LHFPL3: variants seen among roughly 807,000 people sequenced by gnomAD.
LHFPL3 encodes the protein LHFPL tetraspan subfamily member 3 protein.
LHFPL3 carries 5 observed loss-of-function variants against 19.3 expected under a neutral mutation model. The ratio of observed to expected loss-of-function variants is 0.26; its 90% confidence interval spans 0.14 to 0.54. LHFPL3 has a LOEUF of 0.54. LHFPL3 is among the 20% of genes least tolerant of loss of function. LHFPL3 has a pLI of 0.94. For synonymous variants in LHFPL3, 133 were observed against 126.2 expected (o/e 1.05, Z -0.36); for missense variants, 249 against 307.4 (o/e 0.81, Z 1.42).
chr7:104,669,469 A>G (rs1396667938), intron 1 of LHFPL3: 2 of 1,612,734 alleles, frequency 1.2e-6, no homozygotes, highest in Non-Finnish European at 1.7e-6. Flanking sequence ...ACCTGAGCCA[A>G]AGAAACCTGA....
chr7:104,890,607 G>A (rs10226456), intron 2 of LHFPL3, among the ~76,000 whole-genome samples: 23,280 of 152,118 alleles, frequency 0.15, 4,009 homozygotes, highest in East Asian at 0.44. Flanking sequence ...AACACTGGCC[G>A]GGTGAAGGTC....
chr7:104,892,134 T>C (rs137931904), intron 2 of LHFPL3, among the ~76,000 whole-genome samples: 70 of 152,324 alleles, frequency 4.6e-4, no homozygotes, highest in African/African-American at 1.6e-3. Flanking sequence ...GAGGAATGCA[T>C]TGAATGTATG....
At chr7:104,411,640 T>C (rs1303395833) in intron 1 of LHFPL3, among the ~76,000 whole-genome samples, 1 of 152,174 alleles carries the variant, frequency 6.6e-6, no homozygotes, top group Middle Eastern at 3.2e-3. Flanking sequence ...TTTGCTCTTT[T>C]CAACCTCGTT....
intron 1 of LHFPL3, among the ~76,000 whole-genome samples, chr7:104,638,642 G>A (rs1446327382): frequency 2.0e-5 from 3 of 152,098 alleles, no homozygotes; most frequent in African/African-American, 7.2e-5. Flanking sequence ...CATCCATTGA[G>A]ATAATTATGT....
chr7:104,512,314 A>G (rs1391828623), intron 1 of LHFPL3, among the ~76,000 whole-genome samples: 2 of 152,138 alleles, frequency 1.3e-5, no homozygotes, highest in Non-Finnish European at 2.9e-5. Flanking sequence ...GGGTCATGTA[A>G]TCGTTTATCA....
intron 1 of LHFPL3, among the ~76,000 whole-genome samples, chr7:104,700,547 T>C (rs560235249): frequency 6.6e-6 from 1 of 152,356 alleles, no homozygotes; most frequent in Admixed American, 6.5e-5. Flanking sequence ...TCTGTTTATT[T>C]GTTGAGTCTA....
At chr7:104,527,211 T>G (rs1297441045) in intron 1 of LHFPL3, among the ~76,000 whole-genome samples, 1 of 152,142 alleles carries the variant, frequency 6.6e-6, no homozygotes, top group Non-Finnish European at 1.5e-5. Flanking sequence ...TGTAGCACCT[T>G]GTAGGCTATG....
chr7:104,713,026 C>T (rs956668546), intron 1 of LHFPL3, among the ~76,000 whole-genome samples: 1 of 152,074 alleles, frequency 6.6e-6, no homozygotes, highest in African/African-American at 2.4e-5. Context: ...CTTTTTATTC[C>T]CTCAAGCTGG....
intron 2 of LHFPL3, among the ~76,000 whole-genome samples, chr7:104,752,136 T>A (rs1794186858): frequency 6.6e-6 from 1 of 152,222 alleles, no homozygotes. Context: ...GGAAGAGGAC[T>A]TGTGCCTCGT....
At chr7:104,468,309 G>A (rs10263143) in intron 1 of LHFPL3, among the ~76,000 whole-genome samples, 30,707 of 152,074 alleles carry the variant, frequency 0.2, 3,291 homozygotes, top group African/African-American at 0.29. Context: ...CAGAATATAT[G>A]CTGCATCCAG....
chr7:104,344,174 TAATGTTGAAGTAATTGTGC>T (rs1790019552), intron 1 of LHFPL3, among the ~76,000 whole-genome samples: 4 of 152,188 alleles, frequency 2.6e-5, no homozygotes, highest in African/African-American at 9.6e-5. Flanking sequence ...CTGGATTTTC[TAATGTTGAAGTAATTGTGC>T]ATTTAAAAAA....
At chr7:104,414,194 G>A (rs2116518581) in intron 1 of LHFPL3, among the ~76,000 whole-genome samples, 1 of 151,970 alleles carries the variant, frequency 6.6e-6, no homozygotes, top group East Asian at 1.9e-4. Context: ...TCAGAGTCAT[G>A]CTGAAAATGA....
chr7:104,688,878 A>C (rs995912176), intron 1 of LHFPL3, among the ~76,000 whole-genome samples: 1 of 152,182 alleles, frequency 6.6e-6, no homozygotes, highest in Non-Finnish European at 1.5e-5. Flanking sequence ...GGATATTAAC[A>C]GTGTGGGATA....
chr7:104,578,485 AG>A lies in LHFPL3; in HGVS notation c.446-158188del, dbSNP rs1430145024. Among the ~76,000 whole-genome samples the A allele has an allele frequency of 4.6e-5, 7 of 152,294 alleles. No individual in the cohort carries two copies. The East Asian group carries it at 1.4e-3, about 29-fold the overall frequency. ...GCAAGAGTGTTCTGAGGATCAAATAAGGCACCTGAAAAAATTTTAAAGACTT... is the reference window on the plus strand; with the variant it reads ...GCAAGAGTGTTCTGAGGATCAAATAAGCACCTGAAAAAATTTTAAAGACTT... On this transcript the variant is annotated intron_variant, in intron 1 of 2. Transcript: ENST00000424859.
intron 2 of LHFPL3, among the ~76,000 whole-genome samples, chr7:104,824,849 C>A (rs1790786161): frequency 8.0e-6 from 1 of 125,360 alleles, no homozygotes; most frequent in Non-Finnish European, 1.6e-5. Context: ...TATATATTAT[C>A]TAATAATTAT....
chr7:104,820,034 C>T (rs182477056), intron 2 of LHFPL3, among the ~76,000 whole-genome samples: 8 of 152,286 alleles, frequency 5.3e-5, no homozygotes, highest in Admixed American at 3.9e-4. Context: ...ACAGTTTGGG[C>T]TCCATGATTA....
chr7:104,889,268 G>C (rs77659357), intron 2 of LHFPL3, among the ~76,000 whole-genome samples: 1 of 152,176 alleles, frequency 6.6e-6, no homozygotes, highest in Non-Finnish European at 1.5e-5. Flanking sequence ...GAGTAAGACC[G>C]GGTATGAGAA....
At chr7:104,596,732 A>G (rs375086067) in intron 1 of LHFPL3, among the ~76,000 whole-genome samples, 1 of 152,236 alleles carries the variant, frequency 6.6e-6, no homozygotes, top group African/African-American at 2.4e-5. Context: ...GTGTAATACA[A>G]CTTAAGATTT....
chr7:104,841,991 C>A (rs923894801), intron 2 of LHFPL3, among the ~76,000 whole-genome samples: 1 of 149,618 alleles, frequency 6.7e-6, no homozygotes, highest in Non-Finnish European at 1.5e-5. Context: ...CACTTCCTGT[C>A]CTGCCCTTTC....
Sources: allele counts gnomAD v4.1 joint callset (sites outside exome capture counted in the v4.1 genomes callset), GRCh38; gene constraint gnomAD v4.1.1; transcripts MANE v1.5; gene names NCBI Gene and HGNC (gene_info 2026-07-23, HGNC 2026-07-21).